Variants in ENOX1 observed in about 807,000 individuals in gnomAD.
ENOX1 encodes the protein candidate growth-related and time keeping constitutive hydroquinone (NADH) oxidase.
ENOX1 carries 42 observed loss-of-function variants against 82.5 expected under a neutral mutation model. That is an observed-to-expected ratio of 0.51 (90% CI 0.40 to 0.66). The LOEUF (loss-of-function observed/expected upper bound fraction) is 0.66. Among genes scored for constraint, ENOX1 ranks in the 30% least tolerant of loss-of-function variants. ENOX1 has a pLI of 0.00. For synonymous variants in ENOX1, 271 were observed against 282.2 expected (o/e 0.96, Z 0.40); for missense variants, 608 against 811.6 (o/e 0.75, Z 3.05).
chr13:43,469,387 C>A (rs1347849989), intron 3 of ENOX1, among the ~76,000 whole-genome samples: 1 of 151,838 alleles, frequency 6.6e-6, no homozygotes, highest in Non-Finnish European at 1.5e-5. Context: ...AATTTTTCTA[C>A]CTGTATTAAT....
chr13:43,271,040 C>G (rs2044649770), intron 12 of ENOX1, among the ~76,000 whole-genome samples: 1 of 152,188 alleles, frequency 6.6e-6, no homozygotes, highest in African/African-American at 2.4e-5. Flanking sequence ...TAGAACAGTT[C>G]CAAAGGGAAC....
chr13:43,689,020 A>T (rs749668491), intron 1 of ENOX1, among the ~76,000 whole-genome samples: 4 of 152,112 alleles, frequency 2.6e-5, no homozygotes. Context: ...GGGCTGGGGG[A>T]GGACAGTTGT....
intron 5 of ENOX1, among the ~76,000 whole-genome samples, chr13:43,397,636 A>G (rs766966375): frequency 1.3e-5 from 2 of 152,256 alleles, no homozygotes; most frequent in African/African-American, 2.4e-5. Flanking sequence ...CTTTTGCCCT[A>G]TAGGCATAAA....
chr13:43,492,773 C>A (rs1329608042), intron 2 of ENOX1, among the ~76,000 whole-genome samples: 5 of 152,132 alleles, frequency 3.3e-5, no homozygotes, highest in Admixed American at 3.3e-4. Context: ...AAATTTTATG[C>A]CTTAAATTTT....
chr13:43,294,065 C>A (rs772774685), intron 12 of ENOX1, among the ~76,000 whole-genome samples: 15 of 152,106 alleles, frequency 9.9e-5, no homozygotes, highest in Non-Finnish European at 1.8e-4. Flanking sequence ...GTGGACCAGG[C>A]CTGCACCTTA....
At chr13:43,388,481 A>G (rs1490584212) in intron 5 of ENOX1, among the ~76,000 whole-genome samples, 1 of 152,162 alleles carries the variant, frequency 6.6e-6, no homozygotes, top group African/African-American at 2.4e-5. Flanking sequence ...AGTATTAATC[A>G]TGCACCTATA....
chr13:43,605,218 A>C (rs2081928099), intron 2 of ENOX1, among the ~76,000 whole-genome samples: 1 of 152,214 alleles, frequency 6.6e-6, no homozygotes, highest in Admixed American at 6.5e-5. Flanking sequence ...CAATATGGTT[A>C]AAATGTCCAT....
intron 5 of ENOX1, among the ~76,000 whole-genome samples, chr13:43,394,010 A>T (rs2052974740): frequency 6.6e-6 from 1 of 152,174 alleles, no homozygotes; most frequent in Non-Finnish European, 1.5e-5. Flanking sequence ...CTATGTGGGC[A>T]TACCTACTGC....
intron 4 of ENOX1, among the ~76,000 whole-genome samples, chr13:43,412,355 A>C (rs2054186595): frequency 6.6e-6 from 1 of 152,208 alleles, no homozygotes; most frequent in Non-Finnish European, 1.5e-5. Flanking sequence ...ACGTTAGTTA[A>C]GTCACAAGGC....
At chr13:43,622,506 T>C (rs911808285) in intron 2 of ENOX1, among the ~76,000 whole-genome samples, 1 of 152,166 alleles carries the variant, frequency 6.6e-6, no homozygotes, top group Non-Finnish European at 1.5e-5. Context: ...CTGCAGTAAC[T>C]GTTGTCTGTC....
At chr13:43,395,485 A>T (rs2053084295) in intron 5 of ENOX1, among the ~76,000 whole-genome samples, 1 of 152,194 alleles carries the variant, frequency 6.6e-6, no homozygotes, top group African/African-American at 2.4e-5. Context: ...AGATTGCACC[A>T]CTGCACTCCA....
chr13:43,416,702 G>A (rs540824388), intron 3 of ENOX1, among the ~76,000 whole-genome samples: 5 of 147,498 alleles, frequency 3.4e-5, no homozygotes, highest in African/African-American at 1.3e-4. Context: ...TGGCGGCCAG[G>A]CAGAGGCGCT....
intron 11 of ENOX1, among the ~76,000 whole-genome samples, chr13:43,308,763 C>T (rs1404999717): frequency 1.3e-5 from 2 of 152,198 alleles, no homozygotes; most frequent in Non-Finnish European, 2.9e-5. Context: ...CATGTGCAGA[C>T]GGGGCTGTGA....
intron 2 of ENOX1, among the ~76,000 whole-genome samples, chr13:43,491,067 G>A (rs185750351): frequency 3.0e-3 from 460 of 152,306 alleles, no homozygotes; most frequent in South Asian, 9.5e-3. Context: ...TATACAGGAA[G>A]CATGGCGCTG....
At chr13:43,379,920 A>T in intron 5 of ENOX1, among the ~76,000 whole-genome samples, 1 of 151,998 alleles carries the variant, frequency 6.6e-6, no homozygotes, top group East Asian at 1.9e-4. Context: ...CAGGAAAAAA[A>T]GACATATTAC....
intron 5 of ENOX1, among the ~76,000 whole-genome samples, chr13:43,393,741 T>G (rs2153583614): frequency 6.6e-6 from 1 of 152,324 alleles, no homozygotes; most frequent in South Asian, 2.1e-4. Flanking sequence ...AAGAAATGAA[T>G]GTAGTTCATT....
At chr13:43,399,735 C>G (rs2053382303) in intron 5 of ENOX1, among the ~76,000 whole-genome samples, 1 of 152,178 alleles carries the variant, frequency 6.6e-6, no homozygotes, top group Non-Finnish European at 1.5e-5. Context: ...AACCTAAGAC[C>G]TCAGGCTCTA....
intron 11 of ENOX1, among the ~76,000 whole-genome samples, chr13:43,304,972 C>CT (rs60441816): frequency 0.95 from 145,083 of 152,230 alleles, 69,557 homozygotes; most frequent in East Asian, 1. Context: ...AACTCCTCTG[C>CT]GTTATGCTGA....
chr13:43,293,913 C>A (rs998816667), intron 12 of ENOX1, among the ~76,000 whole-genome samples: 2 of 152,140 alleles, frequency 1.3e-5, no homozygotes, highest in Non-Finnish European at 2.9e-5. Flanking sequence ...AATGCATACA[C>A]AGAAAATCAC....
Sources: allele counts gnomAD v4.1 joint callset (sites outside exome capture counted in the v4.1 genomes callset), GRCh38; gene constraint gnomAD v4.1.1; transcripts MANE v1.5; gene names NCBI Gene and HGNC (gene_info 2026-07-23, HGNC 2026-07-21).